The following SLC22A16 variants were observed in gnomAD, a reference collection of about 807,000 sequenced individuals.
The protein encoded by SLC22A16 is WUGSC:RG331P03.1.
A neutral mutation model predicts 52.9 loss-of-function variants in SLC22A16; 53 were observed. The ratio of observed to expected loss-of-function variants is 1.00; its 90% confidence interval spans 0.80 to 1.26. The LOEUF is 1.26. Ranked by LOEUF, SLC22A16 falls within the 50% of genes most tolerant of loss-of-function variation. The pLI is 0.00. For missense variants in SLC22A16, 726 were observed against 704.0 expected (o/e 1.03, Z -0.35); for synonymous variants, 291 against 268.8 (o/e 1.08, Z -0.81).
intron 1 of SLC22A16, among the ~76,000 whole-genome samples, chr6:110,465,575 C>A (rs893573439): frequency 1.4e-4 from 21 of 151,970 alleles, no homozygotes; most frequent in African/African-American, 5.1e-4. Flanking sequence ...TAGGAATACA[C>A]TTAACCAAAG....
chr6:110,442,533 C>T lies in SLC22A16; in HGVS notation c.894G>A (p.Glu298=). Residue 298 remains glutamate (E), a synonymous_variant, in exon 4 of 8, where the codon GAG becomes GAA. Coordinates refer to ENST00000368919, the MANE Select transcript of SLC22A16 (RefSeq NM_033125.4). The stretch of plus-strand genomic sequence containing the variant: ...TTTTTTGTGCTTCTTCATATCGTCC[C>T]TCTGAGAGAAGCCAAAAAGGTGTCT... ...LPETPFWLLS[E]GRYEEAQKIV... 2 of 1,614,116 alleles carry T rather than the reference C, an allele frequency of 1.2e-6. No individual in the cohort carries two copies. The highest frequency in any genetic ancestry group is 1.7e-5 in the Admixed American group (1 of 60,018).
At chr6:110,440,709 G>A (rs373313462) in intron 4 of SLC22A16, among the ~76,000 whole-genome samples, 5 of 152,148 alleles carry the variant, frequency 3.3e-5, no homozygotes, top group East Asian at 1.9e-4. Context: ...CCCAGGAGGC[G>A]GATATTGCAG....
At chr6:110,444,170 T>C (rs770964659) in intron 3 of SLC22A16, among the ~76,000 whole-genome samples, 2 of 152,202 alleles carry the variant, frequency 1.3e-5, no homozygotes, top group Non-Finnish European at 2.9e-5. Context: ...AAAACTTTAT[T>C]TTGGAAATAT....
At chr6:110,455,994 C>G (rs1328871629) in intron 2 of SLC22A16, 1 of 152,402 alleles carries the variant, frequency 6.6e-6, no homozygotes, top group Admixed American at 6.5e-5. Flanking sequence ...AAATAAATTT[C>G]TATTGTTTGT....
In SLC22A16 at chr6:110,438,826, TA is replaced by T. The variant is rs747188671; in HGVS notation, c.1204del (p.Tyr402ThrfsTer33). The T allele has an allele frequency of 5.0e-6, 8 of 1,614,076 alleles. No individual in the cohort carries two copies. ...GTCCATGGCGATGCACACGAAGGTG[TA>T]GGCGGGAATTTCCACTACACCTGTC... ...FLLGVVEIPAYTFVCIAMDKV... is the reference protein window; with the variant it reads ...FLLGVVEIPAXTFVCIAMDKV... On this transcript the variant is annotated frameshift_variant, in exon 5 of 8. Transcript: ENST00000368919. LOFTEE classifies it high-confidence loss of function.
chr6:110,449,813 T>TAGCTTCCC (rs1435203371), intron 2 of SLC22A16, among the ~76,000 whole-genome samples: 2 of 152,234 alleles, frequency 1.3e-5, no homozygotes, highest in Non-Finnish European at 2.9e-5. Flanking sequence ...TTCATCCCAC[T>TAGCTTCCC]AGCTTCCCAG....
chr6:110,461,397 G>A (rs1239338550), intron 1 of SLC22A16, among the ~76,000 whole-genome samples: 2 of 152,170 alleles, frequency 1.3e-5, no homozygotes, highest in Non-Finnish European at 2.9e-5. Flanking sequence ...CCAGGATGAG[G>A]AGCTGGTGCA....
chr6:110,445,300 T>A (rs1045080564), intron 3 of SLC22A16, among the ~76,000 whole-genome samples: 2 of 152,182 alleles, frequency 1.3e-5, no homozygotes, highest in Non-Finnish European at 2.9e-5. Context: ...GCTGGAATAT[T>A]CTTCTCTCAC....
rs765382385 is a variant in SLC22A16 at position 110,456,681 on chromosome 6, T to C, written c.390A>G (p.Ile130Met). The C allele has an allele frequency of 8.7e-6, 14 of 1,614,080 alleles. No individual in the cohort carries two copies. The East Asian group carries it at 3.1e-4, about 36-fold the overall frequency. The change falls in exon 2 of 8, where the codon ATA becomes ATG. Residue 130 changes from isoleucine to methionine, a missense_variant. Physicochemically the swap from Ile to Met is conservative, Grantham distance 10 (BLOSUM62 1). Transcript: ENST00000368919. ...TGCTTTTCCATGTGTTCTGGTCATA[T>C]ATGTAGCCATCCACACAAGGAAACT... ...KKEFPCVDGY[I>M]YDQNTWKSTA... is the part of the protein sequence containing the mutation.
intron 2 of SLC22A16, 30 bp from the exon 3 acceptor site, chr6:110,447,020 G>A (rs1775203737): frequency 2.5e-6 from 4 of 1,574,328 alleles, no homozygotes; most frequent in Admixed American, 3.5e-5. Context: ...CAGTGGAAGA[G>A]GAAAGGTAGA....
intron 1 of SLC22A16, among the ~76,000 whole-genome samples, chr6:110,460,484 G>T (rs1003792443): frequency 1.3e-5 from 2 of 151,980 alleles, no homozygotes; most frequent in Non-Finnish European, 2.9e-5. Context: ...GGTGGATAGG[G>T]GTGCATCCCT....
Position 110,432,532 on chromosome 6 carries a change from T to C in SLC22A16, c.1422-1262A>G, listed in dbSNP as rs551293788. ...CAATCTGAATTCTGAACTGGGAAAA[T>C]CTGAAGCTTTTCCTGGCTGAGCAGA... On this transcript the variant is annotated intron_variant, in intron 6 of 7. Coordinates refer to ENST00000368919, the MANE Select transcript of SLC22A16 (RefSeq NM_033125.4). 9.1e-4 allele frequency among the ~76,000 whole-genome samples: 138 copies of C among 152,192 alleles called. 1 individual carries two copies. Among genetic ancestry groups the C allele is most frequent in the East Asian group, 5.8e-4 (3 of 5,180 alleles).
At chr6:110,459,013 G>C (rs1397883098) in intron 1 of SLC22A16, among the ~76,000 whole-genome samples, 5 of 152,122 alleles carry the variant, frequency 3.3e-5, no homozygotes, top group Admixed American at 6.6e-5. Flanking sequence ...ATGTGTGTGT[G>C]TGTGTGTATC....
chr6:110,431,560 A>C (rs1031065455), intron 6 of SLC22A16, among the ~76,000 whole-genome samples: 2 of 152,154 alleles, frequency 1.3e-5, no homozygotes, highest in Non-Finnish European at 2.9e-5. Flanking sequence ...ACAGCCGAGG[A>C]GGAATAAGCT....
At chr6:110,431,094 C>A (rs982567079) in intron 7 of SLC22A16, 77 bp downstream of exon 7, 38 of 1,181,618 alleles carry the variant, frequency 3.2e-5, no homozygotes, top group Non-Finnish European at 1.3e-6. Flanking sequence ...CAGTAAATAA[C>A]AATAGAGAAG....
chr6:110,433,866 C>T (rs1774606327), intron 6 of SLC22A16, among the ~76,000 whole-genome samples: 2 of 152,104 alleles, frequency 1.3e-5, no homozygotes, highest in African/African-American at 2.4e-5. Context: ...ATCTGTGGGA[C>T]AAGTGTCTCT....
chr6:110,439,856 A>G (rs905491211), intron 4 of SLC22A16: 2 of 152,210 alleles, frequency 1.3e-5, no homozygotes, highest in African/African-American at 2.4e-5. Context: ...AAGTACAACA[A>G]CATAAATTAT....
At chr6:110,442,840 C>G in intron 3 of SLC22A16, 65 bp from the exon 4 acceptor site, 4 of 1,457,958 alleles carry the variant, frequency 2.7e-6, no homozygotes, top group Non-Finnish European at 2.8e-6. Context: ...GAGTCTGACC[C>G]CATTGCAAAT....
chr6:110,467,460 G>T (rs1776109499), intron 1 of SLC22A16, among the ~76,000 whole-genome samples: 1 of 152,164 alleles, frequency 6.6e-6, no homozygotes, highest in Non-Finnish European at 1.5e-5. Flanking sequence ...TCCTATAAAA[G>T]GTTGAGTTAA....
Sources: allele counts gnomAD v4.1 joint callset (sites outside exome capture counted in the v4.1 genomes callset), GRCh38; gene constraint gnomAD v4.1.1; transcripts MANE v1.5; gene names NCBI Gene and HGNC (gene_info 2026-07-23, HGNC 2026-07-21).